MECOM: variants seen among roughly 807,000 people sequenced by gnomAD.
MECOM encodes histone-lysine N-methyltransferase MECOM.
MECOM carries 13 observed loss-of-function variants against 116.3 expected under a neutral mutation model. That is an observed-to-expected ratio of 0.11 (90% CI 0.07 to 0.18). The LOEUF is 0.18. Ranked by LOEUF, MECOM falls within the 10% of genes least tolerant of loss-of-function variation. The pLI, the probability that MECOM is intolerant of heterozygous loss-of-function variation, is 1.00. For missense variants in MECOM, 1,299 were observed against 1,509.0 expected, an observed-to-expected ratio of 0.86 and a Z score of 2.31; for synonymous variants, 528 against 535.2, an observed-to-expected ratio of 0.99 and a Z score of 0.19.
At chr3:169,432,818 G>T (rs1042132922) in intron 1 of MECOM, among the ~76,000 whole-genome samples, 4 of 152,190 alleles carry the variant, frequency 2.6e-5, no homozygotes, top group Admixed American at 2.0e-4. Context: ...AAGGGAAAAG[G>T]TTAAAGGCTA....
intron 2 of MECOM, among the ~76,000 whole-genome samples, chr3:169,264,085 G>A (rs1286091592): frequency 6.6e-6 from 1 of 152,192 alleles, no homozygotes; most frequent in Non-Finnish European, 1.5e-5. Context: ...CAGGATGTAT[G>A]TCCTTAGAAT....
intron 1 of MECOM, among the ~76,000 whole-genome samples, chr3:169,555,052 G>A (rs1761866331): frequency 6.6e-6 from 1 of 152,204 alleles, no homozygotes; most frequent in African/African-American, 2.4e-5. Flanking sequence ...ACCAGAAGAG[G>A]TATGATGATT....
At chr3:169,510,203 G>A (rs989507278) in intron 1 of MECOM, among the ~76,000 whole-genome samples, 2 of 152,148 alleles carry the variant, frequency 1.3e-5, no homozygotes, top group South Asian at 2.1e-4. Context: ...TCTCATCACT[G>A]TAAACTCCTG....
chr3:169,528,564 AT>A (rs1383912994), intron 1 of MECOM, among the ~76,000 whole-genome samples: 1 of 152,228 alleles, frequency 6.6e-6, no homozygotes, highest in East Asian at 1.9e-4. Context: ...GTATTCTCAC[AT>A]TCTTTCCATA....
chr3:169,427,397 CTA>C (rs1740905521), intron 1 of MECOM, among the ~76,000 whole-genome samples: 1 of 152,048 alleles, frequency 6.6e-6, no homozygotes, highest in Non-Finnish European at 1.5e-5. Flanking sequence ...TTTGAGTATA[CTA>C]TAGGCCGATA....
intron 2 of MECOM, among the ~76,000 whole-genome samples, chr3:169,294,113 A>G (rs1181659134): frequency 6.6e-6 from 1 of 152,154 alleles, no homozygotes; most frequent in African/African-American, 2.4e-5. Flanking sequence ...TTGGTTTATC[A>G]TTAACTATTT....
chr3:169,559,551 T>C (rs561067617), intron 1 of MECOM, among the ~76,000 whole-genome samples: 3 of 152,350 alleles, frequency 2.0e-5, no homozygotes, highest in African/African-American at 7.2e-5. Context: ...ATATACCATG[T>C]TCTGCCCTTT....
At chr3:169,141,711 G>A (rs928176453) in intron 3 of MECOM, among the ~76,000 whole-genome samples, 4 of 151,898 alleles carry the variant, frequency 2.6e-5, no homozygotes, top group Non-Finnish European at 4.4e-5. Flanking sequence ...ATTGGGCTAA[G>A]AGTGATTGTA....
chr3:169,365,222 G>A (rs891287292), intron 2 of MECOM, among the ~76,000 whole-genome samples: 2 of 151,984 alleles, frequency 1.3e-5, no homozygotes, highest in Non-Finnish European at 2.9e-5. Flanking sequence ...CTTAAGGGAT[G>A]CTCTAATTAA....
chr3:169,534,213 GT>G (rs145500812), intron 1 of MECOM, among the ~76,000 whole-genome samples: 3,906 of 152,260 alleles, frequency 0.026, 162 homozygotes, highest in African/African-American at 0.09. Context: ...AGGCCACGTA[GT>G]TTGTGGTAGA....
At chr3:169,642,353 C>T (rs1371865630) in intron 1 of MECOM, among the ~76,000 whole-genome samples, 3 of 150,836 alleles carry the variant, frequency 2.0e-5, no homozygotes, top group Non-Finnish European at 3.0e-5. Context: ...TTAAAATAGT[C>T]GGGTAACTGA....
At chr3:169,540,924 T>C (rs1459343829) in intron 1 of MECOM, among the ~76,000 whole-genome samples, 1 of 152,166 alleles carries the variant, frequency 6.6e-6, no homozygotes, top group Admixed American at 6.5e-5. Flanking sequence ...TCAAACCACT[T>C]TGAACACATC....
intron 2 of MECOM, among the ~76,000 whole-genome samples, chr3:169,257,828 G>A (rs538183072): frequency 1.6e-4 from 25 of 152,168 alleles, no homozygotes; most frequent in Non-Finnish European, 3.1e-4. Flanking sequence ...ACTTCGTTTA[G>A]AGATGTAACC....
At chr3:169,452,918 T>C (rs1429056568) in intron 1 of MECOM, among the ~76,000 whole-genome samples, 3 of 152,234 alleles carry the variant, frequency 2.0e-5, no homozygotes, top group African/African-American at 4.8e-5. Flanking sequence ...TTTCCATAGC[T>C]TTCATTCCCT....
intron 1 of MECOM, among the ~76,000 whole-genome samples, chr3:169,474,649 T>G (rs1479034545): frequency 6.6e-6 from 1 of 152,170 alleles, no homozygotes; most frequent in African/African-American, 2.4e-5. Context: ...CAGCCCATGT[T>G]TTGTGTAATA....
chr3:169,264,350 G>A (rs887167866), intron 2 of MECOM, among the ~76,000 whole-genome samples: 5 of 152,062 alleles, frequency 3.3e-5, no homozygotes, highest in African/African-American at 1.2e-4. Context: ...TGAATATACT[G>A]TTTTCTCCCT....
chr3:169,276,670 A>C (rs1457860636), intron 2 of MECOM, among the ~76,000 whole-genome samples: 1 of 151,980 alleles, frequency 6.6e-6, no homozygotes, highest in Non-Finnish European at 1.5e-5. Context: ...TTATCAGGTG[A>C]TGTGTACTAG....
Position 169,367,954 on chromosome 3 carries a change from T to C in MECOM, c.375+13233A>G, listed in dbSNP as rs868404399. Among the ~76,000 whole-genome samples, 14 of 152,186 alleles carry C rather than the reference T, an allele frequency of 9.2e-5. No homozygotes were observed. The Middle Eastern group carries it at 0.014, about 148-fold the overall frequency. Reference sequence around the variant, plus strand: ...AGTGAGATAAGCTATTTCTATGAAATGTTTGCTTTACCGTCCATCAGTGCA... The same window carrying C: ...AGTGAGATAAGCTATTTCTATGAAACGTTTGCTTTACCGTCCATCAGTGCA... On this transcript the variant is annotated intron_variant, in intron 2 of 16. Coordinates refer to ENST00000651503, the MANE Select transcript of MECOM (RefSeq NM_004991.4).
intron 2 of MECOM, among the ~76,000 whole-genome samples, chr3:169,249,949 AG>A (rs1291348366): frequency 3.9e-5 from 6 of 152,244 alleles, no homozygotes; most frequent in Admixed American, 3.9e-4. Flanking sequence ...AAACGTTGTG[AG>A]CAGACATCTC....
Sources: allele counts gnomAD v4.1 joint callset (sites outside exome capture counted in the v4.1 genomes callset), GRCh38; gene constraint gnomAD v4.1.1; transcripts MANE v1.5; gene names NCBI Gene and HGNC (gene_info 2026-07-23, HGNC 2026-07-21).